The following FDFT1 variants were observed in gnomAD, a reference collection of about 807,000 sequenced individuals.
FDFT1 encodes farnesyl-diphosphate farnesyltransferase 1, also known as squalene synthase.
A neutral mutation model predicts 46.8 loss-of-function variants in FDFT1; 68 were observed. The ratio of observed to expected loss-of-function variants is 1.45; its 90% CI spans 1.19 to 1.78. The LOEUF (loss-of-function observed/expected upper bound fraction) is 1.78, where lower values mean the gene tolerates loss of function less well. Ranked by LOEUF, FDFT1 falls within the 40% of genes most tolerant of loss-of-function variation. FDFT1 has a pLI of 0.00. For missense variants in FDFT1, 928 were observed against 524.4 expected, an observed-to-expected ratio of 1.77 and a Z score of -7.52; for synonymous variants, 351 against 185.1, an observed-to-expected ratio of 1.90 and a Z score of -7.28.
rs772371816 is a variant in FDFT1 at position 11,830,316 on chromosome 8, C to T, written c.775C>T (p.Leu259=). The part of the protein sequence containing the change: ...PENIDLAVQC[L]NELITNALHH... ...GAATATTGACTTGGCCGTGCAGTGC[C>T]TGAATGAACTTATAACCAATGCACT... The change falls in exon 6 of 8, where the codon CTG becomes TTG. Residue 259 remains leucine, a synonymous_variant. Coordinates refer to ENST00000220584, the MANE Select transcript of FDFT1 (RefSeq NM_004462.5). 2 of 1,613,442 alleles carry T rather than the reference C, an allele frequency of 1.2e-6. No homozygotes were observed. Among genetic ancestry groups the T allele is most frequent in the Middle Eastern group, 1.7e-4 (1 of 6,058 alleles).
At chr8:11,834,572 G>A (rs1320145479) in intron 7 of FDFT1, among the ~76,000 whole-genome samples, 2 of 151,780 alleles carry the variant, frequency 1.3e-5, no homozygotes, top group Non-Finnish European at 2.9e-5. Flanking sequence ...AGCCCATTAA[G>A]ACATCCAGCC....
At chr8:11,797,766 C>T (rs927300910), upstream of FDFT1, among the ~76,000 whole-genome samples, 7 of 151,824 alleles carry the variant, frequency 4.6e-5, no homozygotes, top group South Asian at 2.1e-4. Flanking sequence ...GTAATGGAGG[C>T]GTGGCAGGTG....
intron 5 of FDFT1, among the ~76,000 whole-genome samples, chr8:11,827,869 A>C (rs1213189756): frequency 2.6e-5 from 4 of 151,492 alleles, no homozygotes; most frequent in African/African-American, 9.7e-5. Flanking sequence ...GTGAGACCTT[A>C]TCTCTTAAAA....
At chr8:11,796,797 G>A (rs541763986) in intron 1 of FDFT1, among the ~76,000 whole-genome samples, 14 of 152,352 alleles carry the variant, frequency 9.2e-5, no homozygotes, top group Admixed American at 2.6e-4. Context: ...TTGGGCCTTA[G>A]CCCATGAGGG....
At chr8:11,802,523 G>A (rs752299611), upstream of FDFT1, 13 of 532,534 alleles carry the variant, frequency 2.4e-5, no homozygotes, top group South Asian at 1.7e-4. Flanking sequence ...CTCTTTCTCG[G>A]CCTCCAATGA....
intron 7 of FDFT1, among the ~76,000 whole-genome samples, chr8:11,837,829 G>T (rs1189485991): frequency 6.6e-6 from 1 of 152,170 alleles, no homozygotes; most frequent in Non-Finnish European, 1.5e-5. Flanking sequence ...TTTTAGGGAT[G>T]TAGGGGAAGA....
At chr8:11,830,469 G>A (rs1355079149) in intron 6 of FDFT1, 49 bp downstream of exon 6, 5 of 1,359,252 alleles carry the variant, frequency 3.7e-6, no homozygotes, top group South Asian at 2.3e-5. Flanking sequence ...AGGGAGTGGG[G>A]TAGGAGTAAG....
intron 3 of FDFT1, among the ~76,000 whole-genome samples, chr8:11,816,864 T>C (rs1458093044): frequency 6.6e-5 from 10 of 152,220 alleles, no homozygotes; most frequent in Non-Finnish European, 1.5e-4. Flanking sequence ...TTTATTTCTT[T>C]CTCTTGCCTG....
At chr8:11,809,569 T>G (rs1337143780) in intron 2 of FDFT1, 98 bp from the exon 3 acceptor site, 35 of 1,347,430 alleles carry the variant, frequency 2.6e-5, no homozygotes, top group East Asian at 2.3e-4. Context: ...GAGTTAAGGG[T>G]GAGATGGGTT....
At chr8:11,818,979 A>G (rs1371284316) in intron 3 of FDFT1, among the ~76,000 whole-genome samples, 2 of 152,192 alleles carry the variant, frequency 1.3e-5, no homozygotes, top group Non-Finnish European at 2.9e-5. Context: ...ATGTTTTTGC[A>G]GTGGCTGGTA....
In FDFT1 at chr8:11,808,737, C is replaced by CACTCCT. The variant is rs1228888950; in HGVS notation, c.100-52_100-51insTACTCC. Reference sequence around the variant, plus strand: ...CCACTCCCACTCCCACTCCCACTCCCACTCCCACTCCTGCTCCTCGACGTC... The same window carrying CACTCCT: ...CCACTCCCACTCCCACTCCCACTCCCACTCCTACTCCCACTCCTGCTCCTCGACGTC... On this transcript the variant is annotated intron_variant, in intron 1 of 7. Transcript: ENST00000220584. The CACTCCT allele has an allele frequency of 3.9e-6, 6 of 1,553,960 alleles. No individual in the cohort carries two copies. The East Asian group carries it at 1.4e-4, about 36-fold the overall frequency.
chr8:11,816,207 G>C (rs927400020), intron 3 of FDFT1, among the ~76,000 whole-genome samples: 1 of 152,192 alleles, frequency 6.6e-6, no homozygotes, highest in African/African-American at 2.4e-5. Context: ...TGAGGCCTCT[G>C]TTCCGTTCCA....
upstream of FDFT1, chr8:11,802,694 G>A (rs1806276430): frequency 1.5e-6 from 1 of 671,580 alleles, no homozygotes; most frequent in South Asian, 1.8e-5. Context: ...GGAGCGGCGG[G>A]CGGGGCGTCG....
chr8:11,800,277 AAAAAAAAAAAAAAAAG>A (rs1805983457), upstream of FDFT1, among the ~76,000 whole-genome samples: 1 of 149,116 alleles, frequency 6.7e-6, no homozygotes, highest in Non-Finnish European at 1.5e-5. Flanking sequence ...AAAAAAAAAA[AAAAAAAAAAAAAAAAG>A]GCGCTTGAAC....
intron 7 of FDFT1, among the ~76,000 whole-genome samples, chr8:11,832,556 A>AAAAAAAAAAAAAAAAAC (rs1810954992): frequency 1.4e-5 from 2 of 139,902 alleles, no homozygotes; most frequent in Non-Finnish European, 1.6e-5. Flanking sequence ...TGTCTCAAAA[A>AAAAAAAAAAAAAAAAAC]AAAAAAAAAA....
upstream of FDFT1, among the ~76,000 whole-genome samples, chr8:11,797,315 T>C (rs138307997): frequency 5.1e-4 from 77 of 152,328 alleles, 1 homozygote; most frequent in East Asian, 0.011. Flanking sequence ...CTGGCTGTTA[T>C]CCATTCGTAT....
Position 11,826,487 on chromosome 8 carries a change from C to A in FDFT1, c.702+272C>A, listed in dbSNP as rs1022920958. Among the ~76,000 whole-genome samples, 3 of 152,166 alleles carry A rather than the reference C, an allele frequency of 2.0e-5. No individual in the cohort carries two copies. The East Asian group carries it at 5.8e-4, about 29-fold the overall frequency. On this transcript the variant is annotated intron_variant, in intron 5 of 7. Coordinates refer to ENST00000220584, the MANE Select transcript of FDFT1 (RefSeq NM_004462.5). ...CCAAGTGGTGGATATGGTAACAACC[C>A]ATGTGCACTAGCTTAACAAAAAGTT...
chr8:11,802,227 T>G (rs1012633884), upstream of FDFT1: 5 of 392,550 alleles, frequency 1.3e-5, no homozygotes, highest in Non-Finnish European at 2.5e-5. Flanking sequence ...ACGCCCAGCT[T>G]GGCGCTGGCC....
chr8:11,796,856 T>G (rs1198323661), intron 1 of FDFT1, among the ~76,000 whole-genome samples: 3 of 152,182 alleles, frequency 2.0e-5, no homozygotes, highest in Non-Finnish European at 4.4e-5. Flanking sequence ...AGTGGTAAGG[T>G]GGAAGAAAAC....
Sources: gnomAD v4.1 joint callset for allele counts (sites outside exome capture counted in the v4.1 genomes callset) on GRCh38, gnomAD v4.1.1 for gene constraint, MANE v1.5 for transcripts, NCBI Gene and HGNC (gene_info 2026-07-23, HGNC 2026-07-21) for gene names.